TRIM38: variants seen among roughly 807,000 people sequenced by gnomAD.
TRIM38 encodes the protein E3 ubiquitin-protein ligase TRIM38.
In TRIM38, 35 loss-of-function variants were observed where a neutral mutation model predicts 35.8. The observed-to-expected ratio is 0.98, with a 90% CI of 0.75 to 1.30. TRIM38 has a LOEUF of 1.30. Among genes scored for constraint, TRIM38 ranks in the 50% most tolerant of loss-of-function variants. The pLI, the probability that TRIM38 is intolerant of heterozygous loss-of-function variation, is 0.00. For synonymous variants in TRIM38, 198 were observed against 204.7 expected, an observed-to-expected ratio of 0.97 and a Z score of 0.28; for missense variants, 545 against 556.9, an observed-to-expected ratio of 0.98 and a Z score of 0.21.
rs1055425012 is a variant in TRIM38 at position 25,986,207 on chromosome 6, C to T, written c.*2520C>T. ...AGAAGGGAAAGAAAATCTAAACAGA[C>T]TGATAAATACAAAATGAAATTCAGA... On this transcript the variant is annotated 3_prime_UTR_variant, in exon 8 of 8. Transcript: ENST00000357085. 1.3e-5 allele frequency: 2 copies of T among 152,218 alleles called. No homozygotes were observed. Among genetic ancestry groups the T allele is most frequent in the South Asian group, 2.1e-4 (1 of 4,830 alleles). 9.4% of individuals were successfully genotyped at this position (152,218 alleles called of 1,614,324 possible). A position where few individuals can be genotyped will look rare whatever the true frequency, so the allele number is the denominator to read the frequency against.
At chr6:25,967,611 C>T (rs962107169) in intron 3 of TRIM38, among the ~76,000 whole-genome samples, 20 of 143,860 alleles carry the variant, frequency 1.4e-4, no homozygotes, top group African/African-American at 5.2e-4. Flanking sequence ...TCTCGGCTCA[C>T]TGCAGCCTCA....
chr6:25,970,560 C>T (rs1024354969), intron 4 of TRIM38, among the ~76,000 whole-genome samples: 1 of 152,094 alleles, frequency 6.6e-6, no homozygotes, highest in East Asian at 1.9e-4. Context: ...TACACTCTTA[C>T]TTCCCCCATT....
rs1052259295 is a variant in TRIM38 at position 25,974,870 on chromosome 6, A to C, written c.874+1585A>C. ...ATACACAACAACAAACAACAACAAA[A>C]CCCAAAAGCACTCTGTATTTCATCC... On this transcript the variant is annotated intron_variant, in intron 7 of 7. Coordinates refer to ENST00000357085, the MANE Select transcript of TRIM38 (RefSeq NM_006355.5). The C allele has an allele frequency of 7.1e-5, 70 of 985,138 alleles. No individual in the cohort carries two copies. In the African/African-American group the frequency reaches 1.2e-3, roughly 17 times the overall value. 61.0% of individuals were successfully genotyped at this position (985,138 alleles called of 1,614,324 possible). A position where few individuals can be genotyped will look rare whatever the true frequency, so the allele number is the denominator to read the frequency against.
intron 4 of TRIM38, 23 bp downstream of exon 4, chr6:25,969,443 C>T (rs1259848486): frequency 6.3e-7 from 1 of 1,582,998 alleles, no homozygotes; most frequent in East Asian, 2.3e-5. Flanking sequence ...CTTCATTGAT[C>T]TCAAGCTATT....
In TRIM38 at chr6:25,983,573, G is replaced by C. The variant is rs913633295; in HGVS notation, c.1284G>C (p.Gly428=). 2 of 1,613,814 alleles carry C rather than the reference G, an allele frequency of 1.2e-6. No individual in the cohort carries two copies. The highest frequency in any genetic ancestry group is 1.7e-5 in the Admixed American group (1 of 59,968). ...CCGGAGTTGTATCCTTTTATAACGG[G>C]AATACTGGCTGCCACATCTTTACTT... ...YEAGVVSFYN[G]NTGCHIFTFP... The change falls in exon 8 of 8, where the codon GGG becomes GGC. Residue 428 remains glycine, a synonymous_variant. Transcript: ENST00000357085.
chr6:25,982,521 C>T (rs1450099660), intron 7 of TRIM38, among the ~76,000 whole-genome samples: 1 of 152,158 alleles, frequency 6.6e-6, no homozygotes, highest in African/African-American at 2.4e-5. Flanking sequence ...ATTCCTTTGA[C>T]CCCGCCGGAC....
intron 7 of TRIM38, chr6:25,975,222 T>A (rs1432860504): frequency 1.2e-6 from 1 of 835,408 alleles, no homozygotes; most frequent in African/African-American, 1.8e-5. Context: ...TTTTTCAAAT[T>A]TTTTTTTGAG....
In TRIM38 at chr6:25,979,646, T is replaced by G. The variant is rs557217417; in HGVS notation, c.875-3518T>G. Among the ~76,000 whole-genome samples, 119 of 151,964 alleles carry G rather than the reference T, an allele frequency of 7.8e-4. 1 individual carries two copies. In the South Asian group the frequency reaches 0.021, roughly 27 times the overall value. ...TTTCTTTTAAAAGAAGCTACCTTTT[T>G]TTTTGTTTGTTTTTCCTCTTTATTG... On this transcript the variant is annotated intron_variant, in intron 7 of 7. Transcript: ENST00000357085.
chr6:25,978,716 G>T (rs867727913), intron 7 of TRIM38, among the ~76,000 whole-genome samples: 3 of 152,044 alleles, frequency 2.0e-5, no homozygotes, highest in African/African-American at 7.2e-5. Context: ...ACCCAGGCTG[G>T]AGTGCACTGG....
At chr6:25,967,733 G>A (rs1362258026) in intron 3 of TRIM38, among the ~76,000 whole-genome samples, 1 of 151,604 alleles carries the variant, frequency 6.6e-6, no homozygotes, top group African/African-American at 2.4e-5. Flanking sequence ...GACATGGTCT[G>A]CCTTTCTTGC....
Position 25,987,530 on chromosome 6 carries a change from C to T in TRIM38, c.*3843C>T, listed in dbSNP as rs1259196910. ...ACCTAACTATCACCCAAAGAGCCCA[C>T]CTCCAAAGACCATCACATTGAATGT... is the stretch of plus-strand genomic sequence containing the variant. On this transcript the variant is annotated 3_prime_UTR_variant, in exon 8 of 8. Transcript: ENST00000357085. 6.6e-6 allele frequency: 1 copy of T among 152,146 alleles called. No homozygotes were observed. The highest frequency in any genetic ancestry group is 1.5e-5 in the Non-Finnish European group (1 of 68,026). The allele number at this position is 152,146 out of a possible 1,614,324, so 9.4% of individuals were successfully genotyped here. A position where few individuals can be genotyped will look rare whatever the true frequency, so the allele number is the denominator to read the frequency against.
At chr6:25,978,792 G>A (rs1437201626) in intron 7 of TRIM38, among the ~76,000 whole-genome samples, 3 of 152,152 alleles carry the variant, frequency 2.0e-5, no homozygotes, top group Admixed American at 1.3e-4. Flanking sequence ...TCAGCTTCCC[G>A]AGTAGCTGGG....
Position 25,983,341 on chromosome 6 carries a change from T to A in TRIM38, c.1052T>A (p.Val351Glu). 1 of 1,614,112 alleles carries A rather than the reference T, an allele frequency of 6.2e-7. No individual in the cohort carries two copies. The highest frequency in any genetic ancestry group is 8.5e-7 in the Non-Finnish European group (1 of 1,180,006). The change falls in exon 8 of 8, where the codon GTG becomes GAG. Residue 351 changes from valine (V) to glutamate (E), a missense_variant. Physicochemically the swap from Val to Glu is moderately radical, Grantham distance 121. Coordinates refer to ENST00000357085, the MANE Select transcript of TRIM38 (RefSeq NM_006355.5). Reference protein sequence around the residue: ...GFTSGRRYFEVDVGEGTGWDL... With the variant: ...GFTSGRRYFEEDVGEGTGWDL... ...ACCTCAGGAAGACGTTACTTTGAAG[T>A]GGATGTTGGCGAAGGAACCGGATGG...
In TRIM38 at chr6:25,983,647, A is replaced by C; in HGVS notation, c.1358A>C (p.Tyr453Ser). ...ACTCTCCGGCCCTATTTCCAGGTTTATCAATATTCTCCTTTGTTTCTGCCT... is the reference window on the plus strand; with the variant it reads ...ACTCTCCGGCCCTATTTCCAGGTTTCTCAATATTCTCCTTTGTTTCTGCCT... ...SDTLRPYFQV[Y>S]QYSPLFLPPP... The change falls in exon 8 of 8, where the codon TAT becomes TCT. Residue 453 changes from tyrosine to serine, a missense_variant. Physicochemically the swap from Tyr to Ser is moderately radical, Grantham distance 144 (BLOSUM62 -2). Coordinates refer to ENST00000357085, the MANE Select transcript of TRIM38 (RefSeq NM_006355.5). 1 of 1,610,018 alleles carries C rather than the reference A, an allele frequency of 6.2e-7. No homozygotes were observed. Among genetic ancestry groups the C allele is most frequent in the Non-Finnish European group, 8.5e-7 (1 of 1,178,446 alleles).
In TRIM38 at chr6:25,966,915, C is replaced by T. The variant is rs202182445; in HGVS notation, c.393C>T (p.Asp131=). Residue 131 remains aspartate (D), a synonymous_variant, in exon 3 of 8, where the codon GAC becomes GAT. Coordinates refer to ENST00000357085, the MANE Select transcript of TRIM38 (RefSeq NM_006355.5). ...HKGHTTALVE[D]VCQGYKEKLQ... is the part of the protein sequence containing the mutation. ...GGCACACCACAGCTCTTGTTGAAGA[C>T]GTATGCCAGGGCTACAAGGTGAGTG... 2.6e-5 allele frequency: 42 copies of T among 1,607,470 alleles called. No homozygotes were observed. Among genetic ancestry groups the T allele is most frequent in the Middle Eastern group, 1.7e-4 (1 of 6,032 alleles).
chr6:25,969,453 T>A (rs778221800), intron 4 of TRIM38, 33 bp downstream of exon 4: 1 of 1,570,140 alleles, frequency 6.4e-7, no homozygotes, highest in South Asian at 1.2e-5. Flanking sequence ...CTCAAGCTAT[T>A]TTCCATTCTA....
Position 25,966,339 on chromosome 6 carries a change from T to C in TRIM38, c.-184T>C, listed in dbSNP as rs1209404629. The stretch of plus-strand genomic sequence containing the variant: ...GCCTCAACTTCTTCCTTTTAGGTCC[T>C]CTTTTCTTCAATACAAAATGAGATA... On this transcript the variant is annotated 5_prime_UTR_variant, in exon 3 of 8. Transcript: ENST00000357085. 1.2e-5 allele frequency: 7 copies of C among 602,282 alleles called. No homozygotes were observed. The highest frequency in any genetic ancestry group is 1.8e-5 in the Non-Finnish European group (7 of 379,250). The allele number at this position is 602,282 out of a possible 1,614,324, so 37.3% of individuals were successfully genotyped here.
chr6:25,971,374 G>A (rs1581601155), intron 4 of TRIM38, among the ~76,000 whole-genome samples: 1 of 152,260 alleles, frequency 6.6e-6, no homozygotes, highest in African/African-American at 2.4e-5. Context: ...CATTCTTCCA[G>A]CTTCAGTGAC....
At chr6:25,967,698 G>A (rs1760103795) in intron 3 of TRIM38, among the ~76,000 whole-genome samples, 2 of 151,370 alleles carry the variant, frequency 1.3e-5, no homozygotes, top group African/African-American at 4.9e-5. Flanking sequence ...CACCATACCT[G>A]GATAATTTTT....
Sources: allele counts gnomAD v4.1 joint callset (sites outside exome capture counted in the v4.1 genomes callset), GRCh38; gene constraint gnomAD v4.1.1; transcripts MANE v1.5; gene names NCBI Gene and HGNC (gene_info 2026-07-23, HGNC 2026-07-21).